ADAM12: variants seen among roughly 807,000 people sequenced by gnomAD.
The protein encoded by ADAM12 is ADAM metallopeptidase domain 12, also known as disintegrin and metalloproteinase domain-containing protein 12.
Under a neutral mutation model 106.4 loss-of-function variants are expected in ADAM12, and 70 were observed. The ratio of observed to expected loss-of-function variants is 0.66; its 90% CI spans 0.54 to 0.80. ADAM12 has a LOEUF of 0.80. Ranked by LOEUF, ADAM12 falls within the 30% of genes least tolerant of loss-of-function variation. The pLI, the probability that ADAM12 is intolerant of heterozygous loss-of-function variation, is 0.00. For missense variants in ADAM12, 1,010 were observed against 1,171.9 expected (o/e 0.86, Z 2.02); for synonymous variants, 420 against 433.5 (o/e 0.97, Z 0.39).
intron 12 of ADAM12, among the ~76,000 whole-genome samples, chr10:126,069,513 C>A (rs1218888161): frequency 2.0e-5 from 3 of 152,218 alleles, no homozygotes; most frequent in Non-Finnish European, 4.4e-5. Flanking sequence ...ATGCAACATG[C>A]CACCTGGCGA....
chr10:126,250,737 G>T (rs577516237), intron 3 of ADAM12, among the ~76,000 whole-genome samples: 2 of 152,236 alleles, frequency 1.3e-5, no homozygotes, highest in Non-Finnish European at 2.9e-5. Flanking sequence ...TGTCCACCTT[G>T]CCCAATTTCC....
chr10:126,084,329 CAG>C (rs1285093956), intron 11 of ADAM12, among the ~76,000 whole-genome samples: 1 of 152,172 alleles, frequency 6.6e-6, no homozygotes, highest in Non-Finnish European at 1.5e-5. Flanking sequence ...GCGGGGGACA[CAG>C]TGTCCATATT....
intron 2 of ADAM12, among the ~76,000 whole-genome samples, chr10:126,308,172 A>G (rs4420178): frequency 0.2 from 29,968 of 152,080 alleles, 3,056 homozygotes; most frequent in Non-Finnish European, 0.22. Context: ...TTAATTTAGG[A>G]TCTGGAGTAT....
intron 3 of ADAM12, among the ~76,000 whole-genome samples, chr10:126,185,398 A>G (rs757931909): frequency 1.3e-5 from 2 of 152,310 alleles, no homozygotes; most frequent in Non-Finnish European, 2.9e-5. Flanking sequence ...AGAGGGGCAA[A>G]TGACAGCAAC....
chr10:126,334,941 CT>C (rs2133858512), intron 1 of ADAM12, among the ~76,000 whole-genome samples: 1 of 152,342 alleles, frequency 6.6e-6, no homozygotes, highest in South Asian at 2.1e-4. Context: ...AGCCTGACAT[CT>C]GAGGCTCTAC....
chr10:126,021,857 C>G (rs908553548), intron 21 of ADAM12, among the ~76,000 whole-genome samples: 1 of 152,110 alleles, frequency 6.6e-6, no homozygotes, highest in Non-Finnish European at 1.5e-5. Context: ...GTGAATTTAC[C>G]ACCAAAAAGC....
chr10:126,249,652 C>T (rs568799999), intron 3 of ADAM12, among the ~76,000 whole-genome samples: 1 of 152,094 alleles, frequency 6.6e-6, no homozygotes, highest in South Asian at 2.1e-4. Flanking sequence ...TGCAGTGAGC[C>T]GAGATCACGC....
intron 8 of ADAM12, among the ~76,000 whole-genome samples, chr10:126,106,939 A>T (rs1193380644): frequency 2.6e-5 from 4 of 152,198 alleles, no homozygotes; most frequent in Non-Finnish European, 5.9e-5. Flanking sequence ...ACTGCAGAAT[A>T]ACATCAAGAT....
At chr10:126,181,102 C>T (rs527683217) in intron 3 of ADAM12, among the ~76,000 whole-genome samples, 1 of 148,652 alleles carries the variant, frequency 6.7e-6, no homozygotes, top group South Asian at 2.1e-4. Flanking sequence ...GACACAGTCT[C>T]CCTCTGTTGC....
chr10:126,388,172 C>T lies in ADAM12; in HGVS notation c.-27G>A. The T allele has an allele frequency of 8.3e-7, 1 of 1,205,150 alleles. No individual in the cohort carries two copies. The highest frequency in any genetic ancestry group is 3.4e-5 in the East Asian group (1 of 29,102). The allele number at this position is 1,205,150 out of a possible 1,614,324, so 74.7% of individuals were successfully genotyped here. On this transcript the variant is annotated 5_prime_UTR_variant, in exon 1 of 23. Coordinates refer to ENST00000448723, the MANE Select transcript of ADAM12 (RefSeq NM_001288973.2). This position sits in a 1 kb window ranked among gnomAD's most constrained non-coding sequence, Gnocchi z 4.4. ...GTCGCCGGCCTTCAGTGCAGCAGCT[C>T]TCGGGCCCGGCGGCGAGCGCTGCAC...
intron 3 of ADAM12, among the ~76,000 whole-genome samples, chr10:126,219,243 G>A (rs189708942): frequency 6.6e-6 from 1 of 152,192 alleles, no homozygotes; most frequent in African/African-American, 2.4e-5. Flanking sequence ...GACGACGTGT[G>A]ACCTCTGAGA....
chr10:126,100,539 TAAA>T (rs746416839), intron 9 of ADAM12, among the ~76,000 whole-genome samples: 2 of 123,416 alleles, frequency 1.6e-5, no homozygotes, highest in East Asian at 2.3e-4. Context: ...CTGTCTCTAC[TAAA>T]AAAAAAAAAA....
At chr10:126,023,062 A>C (rs773423900) in intron 21 of ADAM12, among the ~76,000 whole-genome samples, 1 of 152,198 alleles carries the variant, frequency 6.6e-6, no homozygotes, top group Non-Finnish European at 1.5e-5. Context: ...TATCCAGAGA[A>C]ATCTCTGCAG....
At chr10:126,342,130 G>A (rs1300925734) in intron 1 of ADAM12, among the ~76,000 whole-genome samples, 1 of 152,210 alleles carries the variant, frequency 6.6e-6, no homozygotes, top group Non-Finnish European at 1.5e-5. Flanking sequence ...GCTTGGGCAG[G>A]ATGCAGGTGG....
At chr10:126,173,782 A>G (rs1040478032) in intron 3 of ADAM12, among the ~76,000 whole-genome samples, 2 of 151,978 alleles carry the variant, frequency 1.3e-5, no homozygotes, top group Admixed American at 1.3e-4. Flanking sequence ...AGAGGCCCCA[A>G]CTCCAGAGAA....
chr10:126,248,669 GTATGTATGTATGTATGTATT>G lies in ADAM12; in HGVS notation c.260+30226_260+30245del, dbSNP rs1438437826. 4.5e-5 allele frequency among the ~76,000 whole-genome samples: 5 copies of G among 109,920 alleles called. No homozygotes were observed. The Middle Eastern group carries it at 0.016, about 346-fold the overall frequency. 72.1% of individuals were successfully genotyped at this position (109,920 alleles called of 152,430 possible). ...CACAGGTATGTATGTATGTATGTATGTATGTATGTATGTATGTATTTATTTATTTATTTATTTATTTATTT... is the reference window on the plus strand; with the variant it reads ...CACAGGTATGTATGTATGTATGTATGTATTTATTTATTTATTTATTTATTT... On this transcript the variant is annotated intron_variant, in intron 3 of 22. Coordinates refer to ENST00000448723, the MANE Select transcript of ADAM12 (RefSeq NM_001288973.2).
At chr10:126,255,729 G>T (rs1197969664) in intron 3 of ADAM12, among the ~76,000 whole-genome samples, 1 of 152,186 alleles carries the variant, frequency 6.6e-6, no homozygotes, top group Non-Finnish European at 1.5e-5. Context: ...CATGAGGGTT[G>T]TCTCCAGGAC....
intron 3 of ADAM12, among the ~76,000 whole-genome samples, chr10:126,251,455 T>TGGATG (rs1590683370): frequency 6.9e-6 from 1 of 145,252 alleles, no homozygotes; most frequent in Non-Finnish European, 1.5e-5. Context: ...GATAGATGGA[T>TGGATG]GGATGGATGG....
chr10:126,198,038 A>T (rs1957629462), intron 3 of ADAM12, among the ~76,000 whole-genome samples: 1 of 152,156 alleles, frequency 6.6e-6, no homozygotes, highest in Non-Finnish European at 1.5e-5. Context: ...AATTAACATC[A>T]CTGTTTCCTA....
Sources: allele counts gnomAD v4.1 joint callset (sites outside exome capture counted in the v4.1 genomes callset), GRCh38; gene constraint gnomAD v4.1.1; non-coding constraint Gnocchi (gnomAD v3.1); transcripts MANE v1.5; gene names NCBI Gene and HGNC (gene_info 2026-07-23, HGNC 2026-07-21).